The following LEMD1 variants were observed in gnomAD, a reference collection of about 807,000 sequenced individuals.
LEMD1 encodes the protein LEM domain containing 1.
LEMD1 carries 18 observed loss-of-function variants against 17.4 expected under a neutral mutation model. The ratio of observed to expected loss-of-function variants is 1.04; its 90% CI spans 0.72 to 1.54. The LOEUF (loss-of-function observed/expected upper bound fraction) is 1.54. Among genes scored for constraint, LEMD1 ranks in the 40% most tolerant of loss-of-function variants. The pLI, the probability that LEMD1 is intolerant of heterozygous loss-of-function variation, is 0.00. For synonymous variants in LEMD1, 88 were observed against 77.8 expected, an observed-to-expected ratio of 1.13 and a Z score of -0.69; for missense variants, 195 against 210.4, an observed-to-expected ratio of 0.93 and a Z score of 0.45.
At chr1:205,416,179 T>A (rs1665684796) in intron 4 of LEMD1, 53 bp downstream of exon 4, 1 of 1,130,348 alleles carries the variant, frequency 8.8e-7, no homozygotes, top group Non-Finnish European at 1.3e-6. Context: ...ACAGAGCTAC[T>A]CCCTGTTTTT....
chr1:205,406,216 AACC>A lies in LEMD1; in HGVS notation c.270+10013_270+10015del, dbSNP rs569394621. Among the ~76,000 whole-genome samples the A allele has an allele frequency of 4.4e-3, 672 of 152,320 alleles. 3 individuals carry two copies. The highest frequency in any genetic ancestry group is 0.02 in the Middle Eastern group (6 of 294). On this transcript the variant is annotated intron_variant, in intron 4 of 5. Transcript: ENST00000367153. ...CAGATCTCCAGCTGCGTACTGGGAG[AACC>A]ACTGCTCTCCTCAAAGCTGTCAGAC...
At chr1:205,437,843 G>T (rs2102460962) in intron 1 of LEMD1, 1 of 152,316 alleles carries the variant, frequency 6.6e-6, no homozygotes, top group South Asian at 2.1e-4. Context: ...CTAGAAGCCA[G>T]GAGACCTGGC....
chr1:205,443,313 C>T (rs1666326584), intron 1 of LEMD1, among the ~76,000 whole-genome samples: 1 of 152,170 alleles, frequency 6.6e-6, no homozygotes, highest in South Asian at 2.1e-4. Context: ...TTCCTTTTCA[C>T]CCCACTTCCT....
chr1:205,417,714 T>G (rs1468675815), intron 3 of LEMD1, among the ~76,000 whole-genome samples: 1 of 152,022 alleles, frequency 6.6e-6, no homozygotes, highest in East Asian at 1.9e-4. Context: ...TCAGTATCTG[T>G]GCCGCCTCCA....
At chr1:205,406,830 G>C (rs371480930) in intron 4 of LEMD1, among the ~76,000 whole-genome samples, 1 of 152,206 alleles carries the variant, frequency 6.6e-6, no homozygotes, top group African/African-American at 2.4e-5. Context: ...GACAGGAGCT[G>C]TTCCTATTTG....
At chr1:205,422,549 T>C (rs35607136), upstream of LEMD1, among the ~76,000 whole-genome samples, 11,530 of 152,310 alleles carry the variant, frequency 0.076, 580 homozygotes, top group Non-Finnish European at 0.11. Context: ...TTTCAAAGCA[T>C]GTTCGTATCA....
At chr1:205,401,764 T>G (rs933176088) in intron 4 of LEMD1, among the ~76,000 whole-genome samples, 3 of 152,118 alleles carry the variant, frequency 2.0e-5, no homozygotes, top group African/African-American at 7.2e-5. Flanking sequence ...GTTTTAGACA[T>G]GAAGTCCTTG....
intron 1 of LEMD1, among the ~76,000 whole-genome samples, chr1:205,434,434 A>G (rs975192289): frequency 4.6e-5 from 7 of 151,614 alleles, no homozygotes; most frequent in South Asian, 2.1e-4. Context: ...CCTGAGCTCA[A>G]GTGATCCTCC....
intron 4 of LEMD1, among the ~76,000 whole-genome samples, chr1:205,400,263 A>G (rs1333030207): frequency 6.6e-6 from 1 of 152,092 alleles, no homozygotes; most frequent in African/African-American, 2.4e-5. Context: ...AGGTCTCACT[A>G]TGTTGCCCAC....
chr1:205,426,366 A>C (rs1666054963), upstream of LEMD1, among the ~76,000 whole-genome samples: 1 of 152,276 alleles, frequency 6.6e-6, no homozygotes, highest in South Asian at 2.1e-4. Flanking sequence ...TTCTAAATGG[A>C]GAAACCAACC....
intron 4 of LEMD1, among the ~76,000 whole-genome samples, chr1:205,409,664 G>A (rs1558726089): frequency 6.6e-6 from 1 of 151,434 alleles, no homozygotes; most frequent in Non-Finnish European, 1.5e-5. Context: ...ACAGTGGCAT[G>A]AACTTGGCTC....
At chr1:205,419,469 T>C in intron 2 of LEMD1, 117 bp from the exon 3 acceptor site, 1 of 1,172,138 alleles carries the variant, frequency 8.5e-7, no homozygotes, top group Non-Finnish European at 1.2e-6. Context: ...TATTGGTTAA[T>C]TATGGCTTTT....
chr1:205,395,073 A>G (rs1664526832), intron 4 of LEMD1, among the ~76,000 whole-genome samples: 2 of 152,158 alleles, frequency 1.3e-5, no homozygotes, highest in Admixed American at 6.5e-5. Context: ...CTGTGATTAT[A>G]TAAGTGATAT....
intron 1 of LEMD1, among the ~76,000 whole-genome samples, chr1:205,430,820 C>T (rs553803712): frequency 2.0e-5 from 3 of 152,362 alleles, no homozygotes; most frequent in African/African-American, 7.2e-5. Context: ...GCCCCCGCGC[C>T]GCTCAGTTTT....
At chr1:205,437,952 T>C (rs1205399806) in intron 1 of LEMD1, 6 of 152,186 alleles carry the variant, frequency 3.9e-5, no homozygotes, top group African/African-American at 1.4e-4. Flanking sequence ...ACAATCTCCC[T>C]ATATATTTCT....
chr1:205,423,188 G>T (rs970326641), upstream of LEMD1, among the ~76,000 whole-genome samples: 3 of 152,118 alleles, frequency 2.0e-5, no homozygotes, highest in African/African-American at 7.2e-5. Flanking sequence ...GGTTATGAAG[G>T]CTCATTGAGT....
intron 4 of LEMD1, among the ~76,000 whole-genome samples, chr1:205,398,408 C>G (rs1183023615): frequency 1.3e-5 from 2 of 152,210 alleles, no homozygotes; most frequent in Non-Finnish European, 2.9e-5. Context: ...GGGGTGGGCC[C>G]TGCACATGCT....
At chr1:205,392,016 C>A (rs1231940309) in intron 4 of LEMD1, among the ~76,000 whole-genome samples, 1 of 150,642 alleles carries the variant, frequency 6.6e-6, no homozygotes, top group Non-Finnish European at 1.5e-5. Flanking sequence ...GAGGCTGGGG[C>A]AGGAGGATTG....
At chr1:205,402,431 T>C (rs1017462867) in intron 4 of LEMD1, among the ~76,000 whole-genome samples, 1 of 151,928 alleles carries the variant, frequency 6.6e-6, no homozygotes, top group African/African-American at 2.4e-5. Context: ...CCCTTGTAAG[T>C]TGGATTCCTA....
Sources: allele counts gnomAD v4.1 joint callset (sites outside exome capture counted in the v4.1 genomes callset), GRCh38; gene constraint gnomAD v4.1.1; transcripts MANE v1.5; gene names NCBI Gene and HGNC (gene_info 2026-07-23, HGNC 2026-07-21).